RNF17: variants seen among roughly 807,000 people sequenced by gnomAD.
RNF17 encodes the protein ring finger protein 17, also known as spermatogenesis associated 23.
RNF17 carries 31 observed loss-of-function variants against 200.5 expected under a neutral mutation model. The ratio of observed to expected loss-of-function variants is 0.15; its 90% CI spans 0.12 to 0.21. RNF17 has a LOEUF of 0.21. RNF17 is among the 10% of genes least tolerant of loss of function. The pLI, the probability that RNF17 is intolerant of heterozygous loss-of-function variation, is 1.00. For synonymous variants in RNF17, 606 were observed against 637.8 expected (o/e 0.95, Z 0.75); for missense variants, 1,628 against 1,905.1 (o/e 0.85, Z 2.71).
At chr13:24,855,540 A>G (rs892398895) in intron 25 of RNF17, among the ~76,000 whole-genome samples, 1 of 152,088 alleles carries the variant, frequency 6.6e-6, no homozygotes, top group Admixed American at 6.6e-5. Flanking sequence ...AGGCAGGAGA[A>G]TCATTTGAAC....
chr13:24,821,400 T>C (rs186547000), intron 15 of RNF17, among the ~76,000 whole-genome samples: 79 of 152,328 alleles, frequency 5.2e-4, no homozygotes, highest in African/African-American at 1.8e-3. Context: ...TTCATGTCTT[T>C]CTTTAAATTG....
chr13:24,835,364 A>G (rs967714669), intron 18 of RNF17, among the ~76,000 whole-genome samples: 16 of 152,268 alleles, frequency 1.1e-4, no homozygotes, highest in Admixed American at 9.1e-4. Context: ...CAGGAGGCCA[A>G]CTGGCACAAA....
At chr13:24,841,911 A>C (rs1007341307) in intron 18 of RNF17, 130 bp from the exon 19 acceptor site, 16 of 610,690 alleles carry the variant, frequency 2.6e-5, no homozygotes, top group Middle Eastern at 4.6e-4. Context: ...GGTTGCAGTG[A>C]GCTGAGATCG....
chr13:24,844,047 A>C (rs1390682354), intron 20 of RNF17, 76 bp downstream of exon 20: 1 of 486,722 alleles, frequency 2.1e-6, no homozygotes, highest in Non-Finnish European at 3.3e-6. Context: ...AAAGATCTAG[A>C]AGTCATAAAT....
At chr13:24,752,073 ACTT>A in the RNF17 span, 1 of 152,262 alleles carries the variant, frequency 6.6e-6, no homozygotes, top group African/African-American at 2.4e-5. Flanking sequence ...ATTGTTCAGC[ACTT>A]CAATATCCGT....
intron 15 of RNF17, among the ~76,000 whole-genome samples, chr13:24,805,743 G>C (rs1164095678): frequency 1.3e-5 from 2 of 152,070 alleles, no homozygotes; most frequent in Non-Finnish European, 2.9e-5. Context: ...GGATTATATG[G>C]TAATTTTATG....
the RNF17 span, chr13:24,885,357 T>C: frequency 6.2e-7 from 1 of 1,613,936 alleles, no homozygotes; most frequent in East Asian, 2.2e-5. Flanking sequence ...GGAAGTTCAG[T>C]GGTTCAAGTG....
chr13:24,772,426 A>ATTTTTT (rs34066913), intron 2 of RNF17, among the ~76,000 whole-genome samples: 152 of 105,876 alleles, frequency 1.4e-3, no homozygotes, highest in Non-Finnish European at 2.0e-3. Context: ...TTGAGTCTCC[A>ATTTTTT]TTTTTTTTTT....
At chr13:24,872,439 G>A (rs1019501518) in intron 32 of RNF17, among the ~76,000 whole-genome samples, 5 of 152,166 alleles carry the variant, frequency 3.3e-5, no homozygotes, top group East Asian at 1.9e-4. Context: ...AAACTGAGGC[G>A]CATGCCATCA....
intron 18 of RNF17, among the ~76,000 whole-genome samples, chr13:24,841,300 G>A (rs1890619274): frequency 6.6e-6 from 1 of 152,156 alleles, no homozygotes; most frequent in Non-Finnish European, 1.5e-5. Flanking sequence ...AGTTTTTGTT[G>A]TTTTAAACTT....
chr13:24,811,523 T>C (rs1186167230), intron 15 of RNF17, among the ~76,000 whole-genome samples: 1 of 151,880 alleles, frequency 6.6e-6, no homozygotes, highest in African/African-American at 2.4e-5. Flanking sequence ...CTGTATTGGT[T>C]ATTCTAGTTA....
intron 2 of RNF17, among the ~76,000 whole-genome samples, chr13:24,773,280 A>G (rs1347897667): frequency 6.6e-6 from 1 of 152,252 alleles, no homozygotes. Flanking sequence ...CATTCACAAT[A>G]GCAAATACAT....
At chr13:24,886,230 T>A in the RNF17 span, 1 of 1,017,648 alleles carries the variant, frequency 9.8e-7, no homozygotes, top group Non-Finnish European at 1.3e-6. Context: ...TTGTAAACAC[T>A]CAACTTGGAA....
chr13:24,883,505 G>GTAAC (rs1319154554), downstream of RNF17: 1 of 631,696 alleles, frequency 1.6e-6, no homozygotes, highest in Admixed American at 2.9e-5. Flanking sequence ...CTATACAATT[G>GTAAC]TAACTTTCTA....
intron 15 of RNF17, among the ~76,000 whole-genome samples, chr13:24,816,906 G>C (rs778977511): frequency 2.0e-5 from 3 of 150,796 alleles, no homozygotes; most frequent in Non-Finnish European, 4.4e-5. Context: ...GTAAACATCA[G>C]TGACCACCTC....
At chr13:24,863,962 G>C (rs1893370899) in intron 28 of RNF17, among the ~76,000 whole-genome samples, 2 of 152,198 alleles carry the variant, frequency 1.3e-5, no homozygotes, top group African/African-American at 4.8e-5. Context: ...CACACAGCTG[G>C]GGGCTGAGCA....
the RNF17 span, among the ~76,000 whole-genome samples, chr13:24,749,592 C>T: frequency 2.6e-5 from 4 of 152,144 alleles, no homozygotes; most frequent in Admixed American, 6.5e-5. Flanking sequence ...CTATATGCCT[C>T]ATTTCAAAAG....
chr13:24,873,443 A>G (rs1894513107), intron 32 of RNF17, among the ~76,000 whole-genome samples: 1 of 152,150 alleles, frequency 6.6e-6, no homozygotes, highest in Non-Finnish European at 1.5e-5. Context: ...ACATTTTTTG[A>G]TACATAATTG....
At position 24,854,185 on chromosome 13, in the gene RNF17, C is replaced by T. The variant is rs374858081; in HGVS notation, c.3610+41C>T. 7.6e-6 allele frequency: 11 copies of T among 1,452,224 alleles called. No individual in the cohort carries two copies. In the African/African-American group the frequency reaches 9.9e-5, roughly 13 times the overall value. 90.0% of individuals were successfully genotyped at this position (1,452,224 alleles called of 1,614,324 possible). A position where few individuals can be genotyped will look rare whatever the true frequency, so the allele number is the denominator to read the frequency against. ...TTATGTAGGCTCTAGTTCTCTAGTACGAACGACAGGGATTGAAATACTTTG... is the reference window on the plus strand; with the variant it reads ...TTATGTAGGCTCTAGTTCTCTAGTATGAACGACAGGGATTGAAATACTTTG... On this transcript the variant is annotated intron_variant, in intron 25 of 35. Transcript: ENST00000255324.
Sources: allele counts gnomAD v4.1 joint callset (sites outside exome capture counted in the v4.1 genomes callset), GRCh38; gene constraint gnomAD v4.1.1; transcripts MANE v1.5; gene names NCBI Gene and HGNC (gene_info 2026-07-23, HGNC 2026-07-21).